STEAP1B: variants seen among roughly 807,000 people sequenced by gnomAD.
STEAP1B encodes STEAP family protein MGC87042.
Under a neutral mutation model 27.9 loss-of-function variants are expected in STEAP1B, and 13 were observed. That is an observed-to-expected ratio of 0.47 (90% CI 0.30 to 0.74). The LOEUF is 0.74. Ranked by LOEUF, STEAP1B falls within the 30% of genes least tolerant of loss-of-function variation. The pLI is 0.06. For synonymous variants in STEAP1B, 86 were observed against 107.1 expected, an observed-to-expected ratio of 0.80 and a Z score of 1.22; for missense variants, 250 against 298.7, an observed-to-expected ratio of 0.84 and a Z score of 1.20.
chr7:22,486,258 G>A (rs904667347), intron 4 of STEAP1B, among the ~76,000 whole-genome samples: 2 of 152,168 alleles, frequency 1.3e-5, no homozygotes, highest in South Asian at 2.1e-4. Context: ...TCTAACAGCC[G>A]CTGAAGGAAA....
intron 4 of STEAP1B, among the ~76,000 whole-genome samples, chr7:22,422,506 T>G (rs1785056358): frequency 6.6e-6 from 1 of 152,106 alleles, no homozygotes; most frequent in African/African-American, 2.4e-5. Context: ...TTTTTTTTTT[T>G]TTTTGAGATA....
chr7:22,483,493 T>G (rs1172370921), intron 4 of STEAP1B, among the ~76,000 whole-genome samples: 1 of 152,210 alleles, frequency 6.6e-6, no homozygotes, highest in Non-Finnish European at 1.5e-5. Context: ...TTGGTTTTGT[T>G]TTTTTAACAA....
intron 4 of STEAP1B, among the ~76,000 whole-genome samples, chr7:22,477,037 T>C (rs1785985173): frequency 6.6e-6 from 1 of 152,222 alleles, no homozygotes; most frequent in Admixed American, 6.5e-5. Context: ...AGGGAGAGAC[T>C]GCAGCTTTCT....
At chr7:22,436,811 T>A (rs1459109327) in intron 4 of STEAP1B, among the ~76,000 whole-genome samples, 1 of 152,248 alleles carries the variant, frequency 6.6e-6, no homozygotes, top group Non-Finnish European at 1.5e-5. Context: ...GCATTTAGGT[T>A]GTTCCTGTGT....
chr7:22,454,535 T>C (rs1309584159), intron 4 of STEAP1B, among the ~76,000 whole-genome samples: 3 of 152,092 alleles, frequency 2.0e-5, no homozygotes, highest in Non-Finnish European at 4.4e-5. Context: ...AGCCACTGGA[T>C]GCTGCTGGCT....
intron 4 of STEAP1B, among the ~76,000 whole-genome samples, chr7:22,472,326 T>G (rs1375356323): frequency 6.6e-6 from 1 of 152,172 alleles, no homozygotes; most frequent in African/African-American, 2.4e-5. Flanking sequence ...GAGTCTGCAC[T>G]TGTGCCTTAA....
chr7:22,493,304 T>C lies in STEAP1B; in HGVS notation c.597+20A>G. On this transcript the variant is annotated intron_variant, in intron 3 of 4. Transcript: ENST00000678116. ...GACTTAGACTTTTTATTAGTAACAG[T>C]GACATCATTGTCATCTCACCTGTTG... 6.3e-7 allele frequency: 1 copy of C among 1,590,598 alleles called. No homozygotes were observed. Among genetic ancestry groups the C allele is most frequent in the Non-Finnish European group, 8.6e-7 (1 of 1,164,016 alleles).
At chr7:22,486,007 AAG>A in intron 4 of STEAP1B, among the ~76,000 whole-genome samples, 1 of 152,198 alleles carries the variant, frequency 6.6e-6, no homozygotes. Context: ...TGGCATACGT[AAG>A]CCTGCCACAC....
intron 4 of STEAP1B, among the ~76,000 whole-genome samples, chr7:22,450,619 G>T (rs1785472594): frequency 1.3e-5 from 2 of 149,444 alleles, no homozygotes; most frequent in African/African-American, 4.9e-5. Flanking sequence ...TTTTGCTTAG[G>T]ATGGCTTTGG....
rs367771691 is a variant in STEAP1B, at chr7:22,493,345, C to T, written c.576G>A (p.Leu192=). The change falls in exon 3 of 5, where the codon TTG becomes TTA. Residue 192 remains leucine, a synonymous_variant. Transcript: ENST00000678116. ...YAMRRSYRYK[L]LNWAYQQVQQ... is the part of the protein sequence containing the mutation. The stretch of plus-strand genomic sequence containing the variant: ...TCACCTGTTGATATGCCCAGTTTAG[C>T]AACTTGTATCTGTAGGATCGCCTCA... 1.5e-3 allele frequency: 2,454 copies of T among 1,612,818 alleles called. 2 individuals carry two copies. Among genetic ancestry groups the T allele is most frequent in the Non-Finnish European group, 1.9e-3 (2,254 of 1,178,904 alleles).
chr7:22,433,143 A>C (rs867689248), intron 4 of STEAP1B, among the ~76,000 whole-genome samples: 11 of 152,198 alleles, frequency 7.2e-5, no homozygotes, highest in Admixed American at 2.0e-4. Context: ...TTCACCAAAA[A>C]AAAACAAAAC....
At chr7:22,442,194 C>T (rs1010978915) in intron 4 of STEAP1B, among the ~76,000 whole-genome samples, 1 of 152,206 alleles carries the variant, frequency 6.6e-6, no homozygotes, top group Middle Eastern at 3.2e-3. Context: ...CTGCAGTGAG[C>T]GGAAGTGCCT....
At chr7:22,446,813 G>C (rs758874720) in intron 4 of STEAP1B, among the ~76,000 whole-genome samples, 6 of 152,200 alleles carry the variant, frequency 3.9e-5, no homozygotes, top group Non-Finnish European at 7.3e-5. Flanking sequence ...CTGTGAAATG[G>C]AAGGAATGCT....
At chr7:22,495,101 T>C (rs1242523657) in intron 1 of STEAP1B, among the ~76,000 whole-genome samples, 1 of 152,250 alleles carries the variant, frequency 6.6e-6, no homozygotes, top group Non-Finnish European at 1.5e-5. Flanking sequence ...CTCTTCTTTA[T>C]CCACTTATTT....
At chr7:22,489,330 T>C (rs1786277900) in intron 4 of STEAP1B, among the ~76,000 whole-genome samples, 1 of 152,150 alleles carries the variant, frequency 6.6e-6, no homozygotes, top group Admixed American at 6.5e-5. Flanking sequence ...AGTACTATAT[T>C]AAATGGACTC....
chr7:22,421,711 T>C (rs1785044880), intron 4 of STEAP1B, among the ~76,000 whole-genome samples: 1 of 152,226 alleles, frequency 6.6e-6, no homozygotes, highest in South Asian at 2.1e-4. Context: ...AAAAAGATTT[T>C]TCTAAACTTT....
intron 4 of STEAP1B, among the ~76,000 whole-genome samples, chr7:22,459,533 G>A (rs1420402429): frequency 6.6e-6 from 1 of 152,162 alleles, no homozygotes; most frequent in African/African-American, 2.4e-5. Flanking sequence ...TTATGAAAAT[G>A]TCCATTTTAA....
chr7:22,491,799 G>C (rs1419241880), intron 4 of STEAP1B, among the ~76,000 whole-genome samples: 2 of 152,144 alleles, frequency 1.3e-5, no homozygotes, highest in South Asian at 2.1e-4. Context: ...ATTTAGGGAA[G>C]ATTTTGAGAA....
At chr7:22,495,224 A>G (rs1786418866) in intron 1 of STEAP1B, 1 of 162,922 alleles carries the variant, frequency 6.1e-6, no homozygotes, top group Non-Finnish European at 1.3e-5. Context: ...ACTCCTTTCA[A>G]TGGCAAATAT....
Sources: allele counts gnomAD v4.1 joint callset (sites outside exome capture counted in the v4.1 genomes callset), GRCh38; gene constraint gnomAD v4.1.1; transcripts MANE v1.5; gene names NCBI Gene and HGNC (gene_info 2026-07-23, HGNC 2026-07-21).